Variants in RABGAP1L observed in about 807,000 individuals in gnomAD.
RABGAP1L encodes rab GTPase-activating protein 1-like.
A neutral mutation model predicts 137.7 loss-of-function variants in RABGAP1L; 63 were observed. That is an observed-to-expected ratio of 0.46 (90% CI 0.37 to 0.56). The LOEUF (loss-of-function observed/expected upper bound fraction) is 0.56. RABGAP1L is among the 20% of genes least tolerant of loss of function. The pLI, the probability that RABGAP1L is intolerant of heterozygous loss-of-function variation, is 0.00. For synonymous variants in RABGAP1L, 431 were observed against 433.7 expected (o/e 0.99, Z 0.08); for missense variants, 1,095 against 1,244.0 (o/e 0.88, Z 1.80).
At chr1:174,478,672 T>C (rs887389458) in intron 13 of RABGAP1L, among the ~76,000 whole-genome samples, 2 of 152,224 alleles carry the variant, frequency 1.3e-5, no homozygotes, top group Admixed American at 6.5e-5. Context: ...ATGTAACTTT[T>C]TGAATGTGTT....
intron 11 of RABGAP1L, among the ~76,000 whole-genome samples, chr1:174,347,741 G>A (rs773913496): frequency 1.3e-5 from 2 of 152,064 alleles, no homozygotes; most frequent in Non-Finnish European, 2.9e-5. Flanking sequence ...TGATCTGCCC[G>A]CCTCGGCCTC....
chr1:174,341,497 A>G (rs1681967490), intron 11 of RABGAP1L, among the ~76,000 whole-genome samples: 1 of 152,196 alleles, frequency 6.6e-6, no homozygotes, highest in Non-Finnish European at 1.5e-5. Context: ...GTTCAGTTTA[A>G]CAACTTGGAT....
intron 7 of RABGAP1L, 134 bp downstream of exon 7, chr1:174,252,724 C>A (rs868556248): frequency 7.5e-7 from 1 of 1,334,916 alleles, no homozygotes; most frequent in Middle Eastern, 2.1e-4. Flanking sequence ...ATAATACTTT[C>A]TCTACTTTAA....
intron 7 of RABGAP1L, among the ~76,000 whole-genome samples, chr1:174,257,026 C>A (rs1378957528): frequency 6.6e-6 from 1 of 152,002 alleles, no homozygotes; most frequent in Non-Finnish European, 1.5e-5. Flanking sequence ...GATATAGATT[C>A]CTAAATTTAA....
At chr1:174,288,196 AAT>A (rs1332101273) in intron 10 of RABGAP1L, among the ~76,000 whole-genome samples, 4 of 152,182 alleles carry the variant, frequency 2.6e-5, no homozygotes, top group South Asian at 2.1e-4. Context: ...AATTATTTTT[AAT>A]ATGTTTGTTT....
intron 13 of RABGAP1L, among the ~76,000 whole-genome samples, chr1:174,441,697 G>A (rs1030041074): frequency 3.3e-5 from 5 of 152,078 alleles, no homozygotes; most frequent in Non-Finnish European, 7.4e-5. Flanking sequence ...TCATGCTATT[G>A]CACTCCTGCC....
intron 13 of RABGAP1L, among the ~76,000 whole-genome samples, chr1:174,521,228 A>G (rs949377328): frequency 6.6e-6 from 1 of 152,250 alleles, no homozygotes; most frequent in Non-Finnish European, 1.5e-5. Context: ...ATTGGAATGT[A>G]GCAGATTATT....
At chr1:174,539,631 T>C (rs1200553880) in intron 13 of RABGAP1L, among the ~76,000 whole-genome samples, 1 of 152,234 alleles carries the variant, frequency 6.6e-6, no homozygotes, top group African/African-American at 2.4e-5. Flanking sequence ...CTCATCCCTT[T>C]TTATGGCTGC....
intron 19 of RABGAP1L, among the ~76,000 whole-genome samples, chr1:174,947,664 C>T (rs958505966): frequency 6.6e-6 from 1 of 152,194 alleles, no homozygotes; most frequent in Non-Finnish European, 1.5e-5. Context: ...AGGTGACCTA[C>T]TTGCCTCAGC....
At chr1:174,166,014 G>T (rs116755496) in intron 1 of RABGAP1L, among the ~76,000 whole-genome samples, 400 of 152,302 alleles carry the variant, frequency 2.6e-3, no homozygotes, top group Non-Finnish European at 4.1e-3. Flanking sequence ...CTGCTTTTCA[G>T]TTTATCTTTC....
At chr1:174,390,057 A>G (rs1366303274) in intron 12 of RABGAP1L, among the ~76,000 whole-genome samples, 1 of 152,082 alleles carries the variant, frequency 6.6e-6, no homozygotes, top group Non-Finnish European at 1.5e-5. Flanking sequence ...TTTCTCTTTT[A>G]TTTATTTGGA....
chr1:174,369,027 A>T (rs761929985), intron 11 of RABGAP1L, among the ~76,000 whole-genome samples: 1 of 152,176 alleles, frequency 6.6e-6, no homozygotes, highest in African/African-American at 2.4e-5. Flanking sequence ...ACCTTGGCAC[A>T]TTATTAGTTA....
intron 4 of RABGAP1L, among the ~76,000 whole-genome samples, chr1:174,239,986 A>G (rs756524164): frequency 6.6e-6 from 1 of 152,226 alleles, no homozygotes; most frequent in African/African-American, 2.4e-5. Context: ...GTTTGCATGT[A>G]TATTGTTTAT....
chr1:174,527,679 A>G (rs1664016716), intron 13 of RABGAP1L, among the ~76,000 whole-genome samples: 3 of 152,064 alleles, frequency 2.0e-5, no homozygotes, highest in Non-Finnish European at 2.9e-5. Flanking sequence ...TTTAAATCCA[A>G]TGTTTCTTTA....
chr1:174,481,526 A>G (rs1659086657), intron 13 of RABGAP1L, among the ~76,000 whole-genome samples: 1 of 152,244 alleles, frequency 6.6e-6, no homozygotes, highest in African/African-American at 2.4e-5. Flanking sequence ...TTTGAGCTAA[A>G]ATGTTTTCTC....
chr1:174,855,253 C>A (rs888931179), intron 19 of RABGAP1L, among the ~76,000 whole-genome samples: 1 of 152,136 alleles, frequency 6.6e-6, no homozygotes, highest in African/African-American at 2.4e-5. Flanking sequence ...AGGGTCATAG[C>A]AAATCTGAAC....
chr1:174,675,159 T>C (rs1677515891), intron 14 of RABGAP1L, among the ~76,000 whole-genome samples: 1 of 152,250 alleles, frequency 6.6e-6, no homozygotes, highest in South Asian at 2.1e-4. Context: ...ATGAAGTCTT[T>C]GCCCATGCCT....
At chr1:174,186,032 A>C (rs549795348) in intron 1 of RABGAP1L, among the ~76,000 whole-genome samples, 1 of 152,056 alleles carries the variant, frequency 6.6e-6, no homozygotes, top group African/African-American at 2.4e-5. Flanking sequence ...ATTCCCAGCT[A>C]CTTGGGAAGG....
At chr1:174,245,472 A>G (rs1445015006) in intron 5 of RABGAP1L, 2 of 152,058 alleles carry the variant, frequency 1.3e-5, no homozygotes, top group Non-Finnish European at 2.9e-5. Flanking sequence ...GTTTTCCTTA[A>G]ATCAATTGAT....
Sources: gnomAD v4.1 joint callset for allele counts (sites outside exome capture counted in the v4.1 genomes callset) on GRCh38, gnomAD v4.1.1 for gene constraint, MANE v1.5 for transcripts, NCBI Gene and HGNC (gene_info 2026-07-23, HGNC 2026-07-21) for gene names.